The following ME3 variants were observed in gnomAD, a reference collection of about 807,000 sequenced individuals.
ME3 encodes malic enzyme 3, also known as NADP-dependent malic enzyme, mitochondrial.
ME3 carries 48 observed loss-of-function variants against 68.9 expected under a neutral mutation model. The observed-to-expected ratio is 0.70, with a 90% CI of 0.55 to 0.89. ME3 has a LOEUF of 0.89. Ranked by LOEUF, ME3 falls within the 40% of genes least tolerant of loss-of-function variation. The probability of loss-of-function intolerance (pLI) is 0.00; values close to 1 mark genes in which losing one functional copy is unlikely to be tolerated. For synonymous variants in ME3, 320 were observed against 318.8 expected, an observed-to-expected ratio of 1.00 and a Z score of -0.04; for missense variants, 675 against 797.4, an observed-to-expected ratio of 0.85 and a Z score of 1.85.
intron 2 of ME3, among the ~76,000 whole-genome samples, chr11:86,661,045 G>A (rs1387274319): frequency 1.3e-5 from 2 of 152,244 alleles, no homozygotes; most frequent in Admixed American, 6.5e-5. Context: ...GAATGTAGAG[G>A]CAATTCATGT....
At chr11:86,549,454 ATC>A (rs1956553961) in intron 4 of ME3, among the ~76,000 whole-genome samples, 7 of 152,236 alleles carry the variant, frequency 4.6e-5, no homozygotes, top group African/African-American at 1.7e-4. Context: ...AAACCATGGT[ATC>A]CTTTTTGCCT....
rs116115433 is a variant in ME3 at position 86,604,577 on chromosome 11, C to T, written c.184-44754G>A. On this transcript the variant is annotated intron_variant, in intron 2 of 14. Coordinates refer to ENST00000543262, the Ensembl canonical transcript of ME3. Reference sequence around the variant, plus strand: ...GAATTTATAAATGAAATACAGTAAACATAAATAAGCATATAAAATGATATA... The same window carrying T: ...GAATTTATAAATGAAATACAGTAAATATAAATAAGCATATAAAATGATATA... Among the ~76,000 whole-genome samples the T allele has an allele frequency of 8.7e-3, 1,329 of 152,196 alleles. 19 individuals carry two copies. The highest frequency in any genetic ancestry group is 0.053 in the South Asian group (257 of 4,824).
Position 86,497,603 on chromosome 11 carries a change from T to TA in ME3, c.705+359dup, listed in dbSNP as rs34393952. ...CTGGGGCAGCCTGCCTTGAGAATGC[T>TA]AAAAAACACAGCCCAGTGGTCACAC... On this transcript the variant is annotated intron_variant, in intron 6 of 14. Coordinates refer to ENST00000543262, the Ensembl canonical transcript of ME3. Among the ~76,000 whole-genome samples the TA allele has an allele frequency of 2.0e-5, 3 of 152,076 alleles. No individual in the cohort carries two copies. The East Asian group carries it at 5.8e-4, about 29-fold the overall frequency.
At chr11:86,565,964 C>A (rs1173587718) in intron 2 of ME3, among the ~76,000 whole-genome samples, 1 of 152,222 alleles carries the variant, frequency 6.6e-6, no homozygotes, top group Non-Finnish European at 1.5e-5. Flanking sequence ...TGCAGCCCCA[C>A]CTTTATCCCA....
At chr11:86,590,410 G>C (rs1453532173) in intron 2 of ME3, among the ~76,000 whole-genome samples, 1 of 152,202 alleles carries the variant, frequency 6.6e-6, no homozygotes, top group Non-Finnish European at 1.5e-5. Flanking sequence ...ACGTGCTATG[G>C]GACTGCAGAG....
intron 6 of ME3, among the ~76,000 whole-genome samples, chr11:86,497,232 CG>C (rs1405697482): frequency 1.3e-5 from 2 of 152,184 alleles, no homozygotes; most frequent in Non-Finnish European, 2.9e-5. Context: ...GATCCCGCCC[CG>C]ATCAGCCTCC....
At chr11:86,500,655 A>C (rs1002544361) in intron 5 of ME3, among the ~76,000 whole-genome samples, 5 of 152,138 alleles carry the variant, frequency 3.3e-5, no homozygotes, top group Admixed American at 6.5e-5. Flanking sequence ...AATCCAACAG[A>C]CCTTCTGAAA....
intron 12 of ME3, 88 bp from the exon 13 acceptor site, chr11:86,446,575 CCTT>C: frequency 7.9e-7 from 1 of 1,260,406 alleles, no homozygotes. Flanking sequence ...AATGTTGGAC[CCTT>C]CTTCATCCTC....
At chr11:86,532,713 C>T (rs1594330429) in intron 4 of ME3, among the ~76,000 whole-genome samples, 4 of 152,016 alleles carry the variant, frequency 2.6e-5, no homozygotes, top group Non-Finnish European at 5.9e-5. Flanking sequence ...ATATGAGATG[C>T]AACAAAAGCA....
At chr11:86,519,830 A>G (rs919379399) in intron 4 of ME3, among the ~76,000 whole-genome samples, 1 of 152,246 alleles carries the variant, frequency 6.6e-6, no homozygotes, top group Admixed American at 6.5e-5. Flanking sequence ...GCAGAACTGG[A>G]GAGACTCAAG....
At chr11:86,631,881 C>T (rs1356061535) in intron 2 of ME3, among the ~76,000 whole-genome samples, 1 of 152,048 alleles carries the variant, frequency 6.6e-6, no homozygotes, top group Admixed American at 6.6e-5. Flanking sequence ...TACAGGCACC[C>T]ACCATCATGA....
Position 86,657,132 on chromosome 11 carries a change from G to A in ME3, c.183+14630C>T, listed in dbSNP as rs571572447. ...CCCATTACTGGGTATATACTCAAAGGATTATAAATCATTCTGCTATAAAGA... is the reference window on the plus strand; with the variant it reads ...CCCATTACTGGGTATATACTCAAAGAATTATAAATCATTCTGCTATAAAGA... On this transcript the variant is annotated intron_variant, in intron 2 of 14. Transcript: ENST00000543262. 2.4e-4 allele frequency among the ~76,000 whole-genome samples: 37 copies of A among 152,206 alleles called. No homozygotes were observed. The South Asian group carries it at 7.7e-3, about 32-fold the overall frequency.
intron 2 of ME3, 185 bp downstream of exon 2, chr11:86,671,577 A>T: frequency 1.5e-6 from 1 of 645,382 alleles, no homozygotes; most frequent in African/African-American, 2.0e-5. Flanking sequence ...GCCTCTCTCC[A>T]CGCATAAAAG....
intron 2 of ME3, among the ~76,000 whole-genome samples, chr11:86,604,734 G>A (rs948628138): frequency 3.3e-5 from 5 of 152,144 alleles, no homozygotes; most frequent in Admixed American, 1.3e-4. Context: ...AGTAATTTGG[G>A]AGGCAGCTGA....
At chr11:86,450,359 A>G in exon 9 of ME3, 1 of 1,614,078 alleles carries the variant, frequency 6.2e-7, no homozygotes, top group South Asian at 1.1e-5. Context: ...GGTGATTCGC[A>G]GAGCAGCCAA....
intron 2 of ME3, among the ~76,000 whole-genome samples, chr11:86,570,705 G>A (rs1375252201): frequency 2.0e-5 from 3 of 152,192 alleles, no homozygotes; most frequent in East Asian, 1.9e-4. Context: ...CTCTAAACCA[G>A]CCTAAATCTC....
At chr11:86,625,728 C>A (rs1037295204) in intron 2 of ME3, among the ~76,000 whole-genome samples, 1 of 152,150 alleles carries the variant, frequency 6.6e-6, no homozygotes, top group African/African-American at 2.4e-5. Flanking sequence ...TCAGAATTCA[C>A]AAATTAATGT....
chr11:86,562,136 C>A (rs1957268184), intron 2 of ME3, among the ~76,000 whole-genome samples: 1 of 152,168 alleles, frequency 6.6e-6, no homozygotes, highest in African/African-American at 2.4e-5. Context: ...ACATTTTCAT[C>A]TTTTCTAGAA....
chr11:86,532,666 TGA>T lies in ME3; in HGVS notation c.468-23801_468-23800del, dbSNP rs1955344247. 7.2e-5 allele frequency among the ~76,000 whole-genome samples: 11 copies of T among 152,208 alleles called. No individual in the cohort carries two copies. In the South Asian group the frequency reaches 2.3e-3, roughly 32 times the overall value. On this transcript the variant is annotated intron_variant, in intron 4 of 14. Transcript: ENST00000543262. Reference sequence around the variant, plus strand: ...TAAAAAGGGAAATTTAAAAATATCTTGAGATAAATGAAACTGGAAACATAGCA... The same window carrying T: ...TAAAAAGGGAAATTTAAAAATATCTTGATAAATGAAACTGGAAACATAGCA...
Sources: gnomAD v4.1 joint callset for allele counts (sites outside exome capture counted in the v4.1 genomes callset) on GRCh38, gnomAD v4.1.1 for gene constraint, MANE v1.5 for transcripts, NCBI Gene and HGNC (gene_info 2026-07-23, HGNC 2026-07-21) for gene names.